MERTK: variants seen among roughly 807,000 people sequenced by gnomAD.
MERTK encodes MER proto-oncogene, tyrosine kinase, also known as tyrosine-protein kinase Mer.
A neutral mutation model predicts 99.3 loss-of-function variants in MERTK; 69 were observed. That is an observed-to-expected ratio of 0.70 (90% CI 0.57 to 0.85). The LOEUF (loss-of-function observed/expected upper bound fraction) is 0.85. Among genes scored for constraint, MERTK ranks in the 40% least tolerant of loss-of-function variants. The pLI is 0.00. For synonymous variants in MERTK, 426 were observed against 467.6 expected (o/e 0.91, Z 1.15); for missense variants, 1,125 against 1,249.4 (o/e 0.90, Z 1.50).
chr2:111,974,769 CAAAAAAAAAAA>C (rs35594851), intron 6 of MERTK, among the ~76,000 whole-genome samples: 2 of 53,374 alleles, frequency 3.7e-5, no homozygotes, highest in Non-Finnish European at 6.6e-5. Context: ...AGGTCCATCT[CAAAAAAAAAAA>C]AAAAAAAAAA....
intron 4 of MERTK, among the ~76,000 whole-genome samples, chr2:111,963,519 G>T (rs1437801710): frequency 6.6e-6 from 1 of 152,230 alleles, no homozygotes; most frequent in South Asian, 2.1e-4. Flanking sequence ...GCCTTCCGCA[G>T]TGTTTGTGTC....
chr2:111,952,376 C>A (rs1685074804), intron 4 of MERTK: 1 of 154,250 alleles, frequency 6.5e-6, no homozygotes, highest in Middle Eastern at 7.5e-4. Context: ...CCTTAAAAAT[C>A]TGAACAGTCA....
At chr2:111,975,135 T>C (rs1337368958) in intron 6 of MERTK, among the ~76,000 whole-genome samples, 154 bp from the exon 7 acceptor site, 2 of 152,230 alleles carry the variant, frequency 1.3e-5, no homozygotes, top group African/African-American at 4.8e-5. Context: ...CACACAGTGA[T>C]GCTAGCGGTA....
chr2:111,974,769 C>CAAAA lies in MERTK; in HGVS notation c.961-500_961-497dup, dbSNP rs35594851. On this transcript the variant is annotated intron_variant, in intron 6 of 18. Coordinates refer to ENST00000295408, the MANE Select transcript of MERTK (RefSeq NM_006343.3). ...GGGCAAAGAGAGCGAAGGTCCATCT[C>CAAAA]AAAAAAAAAAAAAAAAAAAAAAAGA... 6.0e-3 allele frequency among the ~76,000 whole-genome samples: 312 copies of CAAAA among 52,256 alleles called. 4 individuals carry two copies. Among genetic ancestry groups the CAAAA allele is most frequent in the East Asian group, 9.2e-3 (11 of 1,192 alleles). The allele number at this position is 52,256 out of a possible 152,430, so 34.3% of individuals were successfully genotyped here.
At chr2:112,000,805 A>G (rs1191900947) in intron 10 of MERTK, among the ~76,000 whole-genome samples, 1 of 152,202 alleles carries the variant, frequency 6.6e-6, no homozygotes, top group Non-Finnish European at 1.5e-5. Context: ...CTTACTAGCT[A>G]CATAAAATAT....
intron 1 of MERTK, 96 bp downstream of exon 1, chr2:111,898,892 T>C (rs1374713142): frequency 2.3e-6 from 3 of 1,303,398 alleles, no homozygotes; most frequent in Non-Finnish European, 3.1e-6. Context: ...GGGGCGCGCC[T>C]GGCTGCTGGA....
chr2:112,024,333 T>C (rs573939126), intron 18 of MERTK, among the ~76,000 whole-genome samples: 1 of 152,362 alleles, frequency 6.6e-6, no homozygotes, highest in South Asian at 2.1e-4. Flanking sequence ...TGTCACGTTG[T>C]GGTTTTTAGA....
intron 2 of MERTK, among the ~76,000 whole-genome samples, chr2:111,932,382 C>T (rs537241682): frequency 3.9e-5 from 6 of 152,214 alleles, no homozygotes; most frequent in East Asian, 1.9e-4. Flanking sequence ...GGGATTTCAC[C>T]GTGTTAGCCA....
chr2:111,899,216 TC>T (rs1293051833), intron 1 of MERTK, among the ~76,000 whole-genome samples: 1 of 151,962 alleles, frequency 6.6e-6, no homozygotes, highest in Admixed American at 6.5e-5. Context: ...CTGGCCGGAG[TC>T]CCGGGGGCCA....
intron 6 of MERTK, 111 bp from the exon 7 acceptor site, chr2:111,975,178 C>A (rs1270052296): frequency 1.9e-6 from 2 of 1,026,608 alleles, no homozygotes; most frequent in African/African-American, 3.2e-5. Flanking sequence ...GAAGCAGGTC[C>A]TTCCCCTTAG....
In MERTK at chr2:112,003,072, C is replaced by G. The variant is rs887730605; in HGVS notation, c.1691-20C>G. On this transcript the variant is annotated intron_variant, in intron 11 of 18. Transcript: ENST00000295408. ...AACACGCTGACAATTTTTGTACATA[C>G]TATGTTACTCCTTTTTCAGTACATA... 5.2e-6 allele frequency: 6 copies of G among 1,159,292 alleles called. No homozygotes were observed. The African/African-American group carries it at 7.5e-5, about 15-fold the overall frequency. The allele number at this position is 1,159,292 out of a possible 1,614,324, so 71.8% of individuals were successfully genotyped here. A position where few individuals can be genotyped will look rare whatever the true frequency, so the allele number is the denominator to read the frequency against.
chr2:111,923,380 G>A lies in MERTK; in HGVS notation c.62-5740G>A, dbSNP rs1234501147. ...GACGCTAGGGCTCTGGTCAAGGGCT[G>A]CATGGTGATTGGAAACACATGGGCA... On this transcript the variant is annotated intron_variant, in intron 1 of 18. Coordinates refer to ENST00000295408, the MANE Select transcript of MERTK (RefSeq NM_006343.3). Among the ~76,000 whole-genome samples the A allele has an allele frequency of 2.0e-5, 3 of 152,204 alleles. No homozygotes were observed. The East Asian group carries it at 5.8e-4, about 29-fold the overall frequency.
intron 11 of MERTK, 128 bp downstream of exon 11, chr2:112,001,414 T>C: frequency 2.5e-6 from 2 of 806,646 alleles, no homozygotes; most frequent in South Asian, 1.4e-5. Context: ...ATGTACAAAA[T>C]GTCTTTAAAA....
chr2:111,993,136 T>C (rs376344319), intron 8 of MERTK, among the ~76,000 whole-genome samples: 2 of 89,648 alleles, frequency 2.2e-5, no homozygotes, highest in African/African-American at 8.9e-5. Context: ...GTGTTGACTA[T>C]TGTGGTGTGG....
At position 112,028,393 on chromosome 2, in the gene MERTK, C is replaced by G. The variant is rs370956458; in HGVS notation, c.2529C>G (p.Asp843Glu). 1.4e-5 allele frequency: 23 copies of G among 1,614,058 alleles called. No individual in the cohort carries two copies. The highest frequency in any genetic ancestry group is 1.7e-5 in the Non-Finnish European group (20 of 1,180,044). The change falls in exon 19 of 19, where the codon GAC (aspartate) becomes GAG (glutamate). Residue 843 changes from aspartate (D) to glutamate (E), a missense_variant. Coordinates refer to ENST00000295408, the MANE Select transcript of MERTK (RefSeq NM_006343.3). Reference sequence around the variant, plus strand: ...CTTGCTGGAGAACCGATCCCTTAGACCGCCCCACCTTTTCAGTATTGAGGC... The same window carrying G: ...CTTGCTGGAGAACCGATCCCTTAGAGCGCCCCACCTTTTCAGTATTGAGGC... ...MYSCWRTDPL[D>E]RPTFSVLRLQ...
intron 2 of MERTK, among the ~76,000 whole-genome samples, chr2:111,935,638 C>CGT (rs55986780): frequency 0.061 from 8,509 of 139,802 alleles, 262 homozygotes; most frequent in South Asian, 0.081. Context: ...GGTCTTGGCT[C>CGT]GTGTGTGTGT....
chr2:111,914,295 T>G (rs1215169269), intron 1 of MERTK, among the ~76,000 whole-genome samples: 1 of 151,850 alleles, frequency 6.6e-6, no homozygotes, highest in African/African-American at 2.4e-5. Flanking sequence ...TTTGTTTGTT[T>G]GAGACAGAGT....
intron 8 of MERTK, among the ~76,000 whole-genome samples, chr2:111,989,278 T>C (rs1266705105): frequency 6.6e-6 from 1 of 152,134 alleles, no homozygotes; most frequent in Non-Finnish European, 1.5e-5. Context: ...GTTGTTGTCA[T>C]GAGACAGAAA....
chr2:112,020,346 C>G (rs1677313426), intron 16 of MERTK, among the ~76,000 whole-genome samples: 2 of 152,116 alleles, frequency 1.3e-5, no homozygotes, highest in South Asian at 4.1e-4. Context: ...GTTTTCCCAG[C>G]AGGTAGGGTG....
Sources: allele counts gnomAD v4.1 joint callset (sites outside exome capture counted in the v4.1 genomes callset), GRCh38; gene constraint gnomAD v4.1.1; transcripts MANE v1.5; gene names NCBI Gene and HGNC (gene_info 2026-07-23, HGNC 2026-07-21).